Variants in IMMP2L observed in about 807,000 individuals in gnomAD.
IMMP2L encodes mitochondrial inner membrane protease subunit 2.
In IMMP2L, 18 loss-of-function variants were observed where a neutral mutation model predicts 19.3. The observed-to-expected ratio is 0.93, with a 90% CI of 0.64 to 1.38. The LOEUF is 1.38. Ranked by LOEUF, IMMP2L falls within the 40% of genes most tolerant of loss-of-function variation. IMMP2L has a pLI of 0.00. For missense variants in IMMP2L, 233 were observed against 218.2 expected (o/e 1.07, Z -0.43); for synonymous variants, 76 against 73.0 (o/e 1.04, Z -0.21).
At chr7:111,141,583 G>A (rs542088543) in intron 3 of IMMP2L, among the ~76,000 whole-genome samples, 1 of 151,784 alleles carries the variant, frequency 6.6e-6, no homozygotes, top group Non-Finnish European at 1.5e-5. Flanking sequence ...AACATCTCTG[G>A]TCTACTATAG....
intron 5 of IMMP2L, among the ~76,000 whole-genome samples, chr7:110,802,997 G>T (rs1173415626): frequency 4.6e-5 from 7 of 152,122 alleles, no homozygotes; most frequent in African/African-American, 1.7e-4. Context: ...TGTTAAAATA[G>T]AAATATGCAA....
intron 3 of IMMP2L, among the ~76,000 whole-genome samples, chr7:111,194,149 T>C (rs536360114): frequency 1.2e-4 from 18 of 152,278 alleles, no homozygotes; most frequent in Admixed American, 3.3e-4. Flanking sequence ...GGAACACACA[T>C]CTGTCTCCTG....
intron 3 of IMMP2L, among the ~76,000 whole-genome samples, chr7:111,074,492 A>T (rs954896427): frequency 1.3e-5 from 2 of 152,246 alleles, no homozygotes; most frequent in Non-Finnish European, 2.9e-5. Flanking sequence ...CACATGATGC[A>T]TATCTTTAGT....
At chr7:111,466,725 A>G (rs952163554) in intron 3 of IMMP2L, among the ~76,000 whole-genome samples, 1 of 152,176 alleles carries the variant, frequency 6.6e-6, no homozygotes, top group African/African-American at 2.4e-5. Flanking sequence ...CCATGGATTC[A>G]GCCAAAAGCA....
intron 4 of IMMP2L, among the ~76,000 whole-genome samples, chr7:110,947,806 T>A (rs1186204837): frequency 6.6e-6 from 1 of 152,194 alleles, no homozygotes; most frequent in East Asian, 1.9e-4. Context: ...GCAGCAATTT[T>A]CACTGTCTGC....
intron 5 of IMMP2L, among the ~76,000 whole-genome samples, chr7:110,747,926 G>A (rs1797465153): frequency 6.6e-6 from 1 of 152,020 alleles, no homozygotes; most frequent in South Asian, 2.1e-4. Flanking sequence ...AGAAATAAAG[G>A]GTATTCAATT....
chr7:110,945,236 T>C (rs1817134588), intron 4 of IMMP2L, among the ~76,000 whole-genome samples: 1 of 151,936 alleles, frequency 6.6e-6, no homozygotes, highest in African/African-American at 2.4e-5. Flanking sequence ...ATAATGAGAT[T>C]AACATTTTTT....
chr7:111,206,738 C>T (rs1360740413), intron 3 of IMMP2L, among the ~76,000 whole-genome samples: 1 of 152,086 alleles, frequency 6.6e-6, no homozygotes, highest in Non-Finnish European at 1.5e-5. Context: ...ACAAGTAGAT[C>T]TTATTCATTC....
intron 3 of IMMP2L, among the ~76,000 whole-genome samples, chr7:111,359,460 C>G (rs899926654): frequency 3.9e-5 from 6 of 152,016 alleles, no homozygotes; most frequent in Non-Finnish European, 1.5e-5. Context: ...CGCCACCACT[C>G]CTGGCTAATT....
At chr7:110,952,837 TA>T (rs1253419525) in intron 4 of IMMP2L, among the ~76,000 whole-genome samples, 3 of 152,152 alleles carry the variant, frequency 2.0e-5, no homozygotes, top group African/African-American at 4.8e-5. Context: ...GAGTTTAATA[TA>T]AAAAATATTG....
At chr7:111,338,024 T>G (rs112264267) in intron 3 of IMMP2L, among the ~76,000 whole-genome samples, 4 of 152,192 alleles carry the variant, frequency 2.6e-5, no homozygotes, top group African/African-American at 9.6e-5. Flanking sequence ...TCAGGGCAAC[T>G]TGTGAAAGGT....
chr7:110,822,142 A>G (rs1584937496), intron 5 of IMMP2L, among the ~76,000 whole-genome samples: 1 of 152,202 alleles, frequency 6.6e-6, no homozygotes, highest in East Asian at 1.9e-4. Flanking sequence ...GTTTTCTCCT[A>G]AATTCTTTCT....
intron 3 of IMMP2L, among the ~76,000 whole-genome samples, chr7:111,287,034 G>T (rs926629214): frequency 6.6e-6 from 1 of 152,110 alleles, no homozygotes; most frequent in African/African-American, 2.4e-5. Flanking sequence ...TGCTCCATGG[G>T]GTTGTTACTA....
intron 5 of IMMP2L, among the ~76,000 whole-genome samples, chr7:110,812,175 G>C (rs906434734): frequency 4.6e-5 from 7 of 152,006 alleles, no homozygotes; most frequent in Admixed American, 3.3e-4. Flanking sequence ...CTTTTACTCA[G>C]ATTATTTACA....
At chr7:110,682,916 T>C (rs1179158303) in intron 5 of IMMP2L, among the ~76,000 whole-genome samples, 4 of 152,068 alleles carry the variant, frequency 2.6e-5, no homozygotes, top group African/African-American at 7.2e-5. Flanking sequence ...ACTGACTATA[T>C]GCAAGAATCA....
At chr7:110,901,915 C>A (rs1811906346) in intron 4 of IMMP2L, among the ~76,000 whole-genome samples, 1 of 152,000 alleles carries the variant, frequency 6.6e-6, no homozygotes, top group Non-Finnish European at 1.5e-5. Context: ...AGATACATGG[C>A]AGAAGTACTA....
At chr7:110,707,006 T>TTC (rs1794742353) in intron 5 of IMMP2L, among the ~76,000 whole-genome samples, 1 of 112,648 alleles carries the variant, frequency 8.9e-6, no homozygotes, top group Non-Finnish European at 1.9e-5. Flanking sequence ...TTTTTTTAAT[T>TTC]TTTTTTTTTT....
At chr7:111,299,294 T>G (rs1360761383) in intron 3 of IMMP2L, among the ~76,000 whole-genome samples, 1 of 152,090 alleles carries the variant, frequency 6.6e-6, no homozygotes, top group Non-Finnish European at 1.5e-5. Flanking sequence ...ACCACAAAAT[T>G]GAAAGCTACA....
chr7:111,090,646 C>T (rs966322030), intron 3 of IMMP2L, among the ~76,000 whole-genome samples: 14 of 148,966 alleles, frequency 9.4e-5, no homozygotes, highest in African/African-American at 1.7e-4. Flanking sequence ...GAACACCAAG[C>T]ACATATGCTA....
Sources: allele counts gnomAD v4.1 joint callset (sites outside exome capture counted in the v4.1 genomes callset), GRCh38; gene constraint gnomAD v4.1.1; transcripts MANE v1.5; gene names NCBI Gene and HGNC (gene_info 2026-07-23, HGNC 2026-07-21).